Variants in TIPIN observed in about 807,000 individuals in gnomAD.
The protein encoded by TIPIN is TIMELESS-interacting protein.
A neutral mutation model predicts 35.6 loss-of-function variants in TIPIN; 29 were observed. The ratio of observed to expected loss-of-function variants is 0.82; its 90% confidence interval spans 0.61 to 1.11. The LOEUF (loss-of-function observed/expected upper bound fraction) is 1.11. Among genes scored for constraint, TIPIN ranks in the 50% most tolerant of loss-of-function variants. The probability of loss-of-function intolerance (pLI) is 0.00; values close to 1 mark genes in which losing one functional copy is unlikely to be tolerated. For missense variants in TIPIN, 296 were observed against 345.4 expected (o/e 0.86, Z 1.13); for synonymous variants, 102 against 121.5 (o/e 0.84, Z 1.06).
At chr15:66,379,816 G>A (rs2093311483) in intron 1 of TIPIN, 2 of 1,597,788 alleles carry the variant, frequency 1.3e-6, no homozygotes, top group Admixed American at 3.3e-5. Flanking sequence ...TCCCTCCGCA[G>A]GGTTCCTCTG....
At chr15:66,338,583 G>T (rs1311144120) in intron 7 of TIPIN, among the ~76,000 whole-genome samples, 1 of 152,118 alleles carries the variant, frequency 6.6e-6, no homozygotes, top group South Asian at 2.1e-4. Context: ...AGGAGACCGA[G>T]GTGGGTGGAT....
chr15:66,338,183 G>C (rs991553308), intron 7 of TIPIN, among the ~76,000 whole-genome samples: 2 of 151,094 alleles, frequency 1.3e-5, no homozygotes, highest in African/African-American at 4.9e-5. Flanking sequence ...TTGAACCTAG[G>C]AGGCGGAGGT....
chr15:66,344,850 G>C (rs2093113359), intron 6 of TIPIN, among the ~76,000 whole-genome samples: 1 of 152,206 alleles, frequency 6.6e-6, no homozygotes, highest in Non-Finnish European at 1.5e-5. Flanking sequence ...CTGGGCAACA[G>C]AGTGAGGCCC....
chr15:66,370,206 C>T (rs915280150), intron 1 of TIPIN, among the ~76,000 whole-genome samples: 3 of 152,170 alleles, frequency 2.0e-5, no homozygotes, highest in Non-Finnish European at 4.4e-5. Context: ...AAGCAAAATA[C>T]CACAGTACCA....
intron 7 of TIPIN, 22 bp downstream of exon 7, chr15:66,341,128 T>C (rs766384296): frequency 6.2e-7 from 1 of 1,605,748 alleles, no homozygotes; most frequent in South Asian, 1.1e-5. Context: ...TGGTAGCATA[T>C]AAAATTTGGC....
At chr15:66,373,447 C>T (rs929726429) in intron 1 of TIPIN, among the ~76,000 whole-genome samples, 6 of 150,130 alleles carry the variant, frequency 4.0e-5, no homozygotes, top group South Asian at 2.1e-4. Flanking sequence ...GAGCTGAGAT[C>T]GCACCACTGC....
upstream of TIPIN, among the ~76,000 whole-genome samples, chr15:66,357,934 C>T (rs187406906): frequency 1.7e-4 from 25 of 151,112 alleles, no homozygotes; most frequent in East Asian, 3.9e-4. Flanking sequence ...CCGGCCTGGG[C>T]GACGGAGCAA....
At position 66,356,645 on chromosome 15, in the gene TIPIN, C is replaced by G; in HGVS notation, c.-15G>C. ...CCCGCCAGCCAGCTCTCACCTCACGCAGAAAACACGGGACACAGCGCGGAC... is the reference window on the plus strand; with the variant it reads ...CCCGCCAGCCAGCTCTCACCTCACGGAGAAAACACGGGACACAGCGCGGAC... On this transcript the variant is annotated 5_prime_UTR_variant, in exon 1 of 8. Transcript: ENST00000261881. The G allele has an allele frequency of 1.0e-6, 1 of 986,076 alleles. No individual in the cohort carries two copies. Among genetic ancestry groups the G allele is most frequent in the Non-Finnish European group, 1.2e-6 (1 of 830,460 alleles). 61.1% of individuals were successfully genotyped at this position (986,076 alleles called of 1,614,324 possible).
intron 1 of TIPIN, among the ~76,000 whole-genome samples, chr15:66,374,109 A>C (rs2093287387): frequency 6.6e-6 from 1 of 151,856 alleles, no homozygotes; most frequent in African/African-American, 2.4e-5. Context: ...GATTGTTTTA[A>C]TTTTTTTTAA....
At chr15:66,340,723 A>G (rs973291075) in intron 7 of TIPIN, among the ~76,000 whole-genome samples, 1 of 151,794 alleles carries the variant, frequency 6.6e-6, no homozygotes, top group Non-Finnish European at 1.5e-5. Context: ...CAGCCTCCCA[A>G]GTAGTTGGGA....
At chr15:66,368,520 C>A (rs190287333) in intron 1 of TIPIN, among the ~76,000 whole-genome samples, 5 of 152,070 alleles carry the variant, frequency 3.3e-5, no homozygotes, top group African/African-American at 1.2e-4. Flanking sequence ...CAGAGTAAGA[C>A]CCTGTCTCAA....
At chr15:66,381,930 T>G (rs530587376) in intron 1 of TIPIN, among the ~76,000 whole-genome samples, 48 of 152,264 alleles carry the variant, frequency 3.2e-4, no homozygotes, top group African/African-American at 1.1e-3. Context: ...CTGAGCATGG[T>G]GGCGGGTGCC....
Position 66,349,373 on chromosome 15 carries a change from A to C in TIPIN, c.353T>G (p.Leu118Arg), listed in dbSNP as rs778074456. The change falls in exon 5 of 8, where the codon CTG (leucine) becomes CGG (arginine). Residue 118 changes from leucine to arginine, a missense_variant. Transcript: ENST00000261881. ...EHWAHRLFPK[L>R]QFEDFIDRVE... ...TCTGTCAATAAAATCCTCAAACTGC[A>C]GTTTAGGGAATAGCCTATGTGCCCA... 2 of 1,614,080 alleles carry C rather than the reference A, an allele frequency of 1.2e-6. No homozygotes were observed. The highest frequency in any genetic ancestry group is 1.7e-6 in the Non-Finnish European group (2 of 1,180,018).
intron 1 of TIPIN, among the ~76,000 whole-genome samples, chr15:66,377,844 T>C (rs949127665): frequency 2.1e-4 from 32 of 151,946 alleles, no homozygotes; most frequent in Non-Finnish European, 4.1e-4. Context: ...ACCCGACTAA[T>C]TTTTTCTTTT....
At chr15:66,381,959 G>A (rs1165823166) in intron 1 of TIPIN, among the ~76,000 whole-genome samples, 1 of 152,172 alleles carries the variant, frequency 6.6e-6, no homozygotes, top group Non-Finnish European at 1.5e-5. Context: ...CAGCTACTTG[G>A]GAGGCTGAGG....
At chr15:66,338,709 G>A (rs2093062366) in intron 7 of TIPIN, among the ~76,000 whole-genome samples, 1 of 150,866 alleles carries the variant, frequency 6.6e-6, no homozygotes, top group Non-Finnish European at 1.5e-5. Context: ...AGCTACTCGG[G>A]AGGCTGAGGC....
chr15:66,379,291 G>A, intron 1 of TIPIN: 2 of 1,551,872 alleles, frequency 1.3e-6, no homozygotes, highest in East Asian at 2.3e-5. Flanking sequence ...GTAGGTCTTA[G>A]GAGTCATCTG....
rs982425457 is a variant in TIPIN at position 66,379,541 on chromosome 15, C to A, written c.-9+7066G>T. On this transcript the variant is annotated intron_variant, in intron 1 of 7. Transcript: ENST00000562124. ...AAGCAACACCTGGTCTCATCCGCAC[C>A]CTGCGGATGTATTTTTCACCCAAGA... 2.5e-6 allele frequency: 4 copies of A among 1,609,704 alleles called. No individual in the cohort carries two copies. The African/African-American group carries it at 4.0e-5, about 16-fold the overall frequency.
upstream of TIPIN, among the ~76,000 whole-genome samples, chr15:66,357,955 C>CA (rs962880584): frequency 7.8e-3 from 1,081 of 138,336 alleles, 16 homozygotes; most frequent in African/African-American, 0.025. Context: ...GACTCTGTCT[C>CA]AAAAAAAAAA....
Sources: allele counts gnomAD v4.1 joint callset (sites outside exome capture counted in the v4.1 genomes callset), GRCh38; gene constraint gnomAD v4.1.1; transcripts MANE v1.5; gene names NCBI Gene and HGNC (gene_info 2026-07-23, HGNC 2026-07-21).